CFAP44: variants seen among roughly 807,000 people sequenced by gnomAD.
The protein encoded by CFAP44 is cilia and flagella associated protein 44.
Under a neutral mutation model 216.2 loss-of-function variants are expected in CFAP44, and 134 were observed. The ratio of observed to expected loss-of-function variants is 0.62; its 90% CI spans 0.54 to 0.72. The LOEUF is 0.72. Among genes scored for constraint, CFAP44 ranks in the 30% least tolerant of loss-of-function variants. The pLI is 0.00. For missense variants in CFAP44, 2,035 were observed against 2,182.1 expected (o/e 0.93, Z 1.34); for synonymous variants, 700 against 727.6 (o/e 0.96, Z 0.61).
At chr3:113,427,871 A>G (rs780450938) in intron 2 of CFAP44, among the ~76,000 whole-genome samples, 49 of 152,096 alleles carry the variant, frequency 3.2e-4, no homozygotes, top group Non-Finnish European at 6.6e-4. Flanking sequence ...AAAATATACA[A>G]TGCCAAGCAG....
intron 22 of CFAP44, among the ~76,000 whole-genome samples, chr3:113,346,601 T>C (rs936204740): frequency 6.6e-6 from 1 of 151,474 alleles, no homozygotes; most frequent in Non-Finnish European, 1.5e-5. Flanking sequence ...GGATTGTAAA[T>C]GCACCAATCA....
intron 15 of CFAP44, among the ~76,000 whole-genome samples, chr3:113,393,816 C>G (rs1460183813): frequency 2.0e-5 from 3 of 151,946 alleles, no homozygotes; most frequent in Non-Finnish European, 4.4e-5. Context: ...CGCCTGATCT[C>G]CCCACTCTCC....
chr3:113,326,041 A>T (rs1041362123), intron 28 of CFAP44, among the ~76,000 whole-genome samples: 5 of 152,224 alleles, frequency 3.3e-5, no homozygotes, highest in African/African-American at 1.2e-4. Flanking sequence ...TATCTGACAC[A>T]AGACTAGTAT....
At position 113,427,227 on chromosome 3, in the gene CFAP44, A is replaced by G; in HGVS notation, c.213T>C (p.Ser71=). ...EDSDEERLEG[S]LSSFQYGDLQ... is the part of the protein sequence containing the mutation. ...AATCACCATACTGAAATGAACTCAA[A>G]CTTCCTTCCAAACGTTCCTCATCTG... is the stretch of plus-strand genomic sequence containing the variant. Residue 71 remains serine, a synonymous_variant, in exon 3 of 35, where the codon AGT becomes AGC. Transcript: ENST00000393845. 1 of 1,613,280 alleles carries G rather than the reference A, an allele frequency of 6.2e-7. No homozygotes were observed. Among genetic ancestry groups the G allele is most frequent in the Non-Finnish European group, 8.5e-7 (1 of 1,179,784 alleles).
At chr3:113,358,062 G>A (rs1246863362) in intron 22 of CFAP44, among the ~76,000 whole-genome samples, 1 of 152,000 alleles carries the variant, frequency 6.6e-6, no homozygotes, top group Non-Finnish European at 1.5e-5. Context: ...GACATCATAT[G>A]AGTTTTAAAA....
In CFAP44 at chr3:113,395,879, A is replaced by G. The variant is rs776351701; in HGVS notation, c.1780-19T>C. On this transcript the variant is annotated intron_variant, in intron 14 of 34. Coordinates refer to ENST00000393845, the MANE Select transcript of CFAP44 (RefSeq NM_001164496.2). Reference sequence around the variant, plus strand: ...CTTTACTCTAAGGAAAAAGAGACACACCGACGAAATATATATTACTATGAA... The same window carrying G: ...CTTTACTCTAAGGAAAAAGAGACACGCCGACGAAATATATATTACTATGAA... 4.5e-6 allele frequency: 7 copies of G among 1,571,536 alleles called. No individual in the cohort carries two copies. The Admixed American group carries it at 1.2e-4, about 27-fold the overall frequency.
At position 113,412,818 on chromosome 3, in the gene CFAP44, GTGT is replaced by G. The variant is rs1192340134; in HGVS notation, c.674-3499_674-3497del. ...TTCCACGTCTTTGCTATTGTAAATA[GTGT>G]TGTAATAAACATACGTGTGCATGTC... On this transcript the variant is annotated intron_variant, in intron 6 of 34. Coordinates refer to ENST00000393845, the MANE Select transcript of CFAP44 (RefSeq NM_001164496.2). Among the ~76,000 whole-genome samples, 3 of 152,122 alleles carry G rather than the reference GTGT, an allele frequency of 2.0e-5. No individual in the cohort carries two copies. The East Asian group carries it at 5.8e-4, about 29-fold the overall frequency.
At chr3:113,388,409 A>G (rs1576584811) in intron 15 of CFAP44, among the ~76,000 whole-genome samples, 1 of 152,352 alleles carries the variant, frequency 6.6e-6, no homozygotes, top group East Asian at 1.9e-4. Flanking sequence ...TGGATATACA[A>G]GAAATTTAAA....
In CFAP44 at chr3:113,344,496, G is replaced by T; in HGVS notation, c.3262+20C>A. The T allele has an allele frequency of 6.5e-7, 1 of 1,528,852 alleles. No individual in the cohort carries two copies. The allele number at this position is 1,528,852 out of a possible 1,614,324, so 94.7% of individuals were successfully genotyped here. On this transcript the variant is annotated intron_variant, in intron 23 of 34. Coordinates refer to ENST00000393845, the MANE Select transcript of CFAP44 (RefSeq NM_001164496.2). ...AGTCTTAGTAAATAAGAATTTAAAA[G>T]CCTTCTTGTCATAGGCTACCTGCAT...
Position 113,381,032 on chromosome 3 carries a change from TC to T in CFAP44, c.1918del (p.Glu640LysfsTer13). 6.3e-7 allele frequency: 1 copy of T among 1,584,234 alleles called. No individual in the cohort carries two copies. Among genetic ancestry groups the T allele is most frequent in the African/African-American group, 1.4e-5 (1 of 74,016 alleles). ...HPESTLLIIC[E>X]NGYILEAPLP... is the part of the protein sequence containing the mutation. ...TGGAGCTTCAAGAATATAGCCATTT[TC>T]ACAGATAATTAGTAAAGTACTTTCA... On this transcript the variant is annotated frameshift_variant, in exon 16 of 35. Coordinates refer to ENST00000393845, the MANE Select transcript of CFAP44 (RefSeq NM_001164496.2). LOFTEE classifies it high-confidence loss of function.
At chr3:113,417,754 A>G (rs1050665026) in intron 5 of CFAP44, among the ~76,000 whole-genome samples, 2 of 152,182 alleles carry the variant, frequency 1.3e-5, no homozygotes, top group South Asian at 2.1e-4. Flanking sequence ...ACAGTCTACA[A>G]TGTGTTAAGT....
chr3:113,403,809 T>A, intron 9 of CFAP44, 43 bp downstream of exon 9: 1 of 1,586,628 alleles, frequency 6.3e-7, no homozygotes, highest in South Asian at 1.2e-5. Flanking sequence ...GAGCTACAAG[T>A]CTTAAACGTG....
intron 32 of CFAP44, among the ~76,000 whole-genome samples, chr3:113,300,120 C>T (rs1413284071): frequency 6.6e-6 from 1 of 152,182 alleles, no homozygotes; most frequent in African/African-American, 2.4e-5. Flanking sequence ...TAAAGACAAA[C>T]TTTGCATGCT....
At chr3:113,395,184 C>T (rs1219701683) in intron 15 of CFAP44, among the ~76,000 whole-genome samples, 1 of 152,124 alleles carries the variant, frequency 6.6e-6, no homozygotes, top group East Asian at 1.9e-4. Context: ...TTTAGACAGT[C>T]AATCAATATT....
chr3:113,428,481 C>T (rs981350181), intron 2 of CFAP44, among the ~76,000 whole-genome samples: 5 of 152,200 alleles, frequency 3.3e-5, no homozygotes, highest in African/African-American at 1.2e-4. Context: ...CAAATCAACA[C>T]ACTTAGGCAA....
chr3:113,440,739 G>A (rs923854674), intron 1 of CFAP44, among the ~76,000 whole-genome samples: 2 of 152,126 alleles, frequency 1.3e-5, no homozygotes, highest in African/African-American at 4.8e-5. Context: ...TCAAATAAGA[G>A]CTCAGATTCC....
chr3:113,411,274 T>G (rs899201333), intron 6 of CFAP44, among the ~76,000 whole-genome samples: 1 of 152,198 alleles, frequency 6.6e-6, no homozygotes, highest in Non-Finnish European at 1.5e-5. Context: ...TTTTTATGGT[T>G]TTAGGTCTAA....
chr3:113,327,864 A>T, intron 26 of CFAP44, 45 bp from the exon 27 acceptor site: 1 of 1,505,186 alleles, frequency 6.6e-7, no homozygotes, highest in Non-Finnish European at 8.9e-7. Flanking sequence ...AGACTAGATA[A>T]ATGCATTTTT....
intron 24 of CFAP44, among the ~76,000 whole-genome samples, chr3:113,339,180 A>G (rs990983818): frequency 2.0e-5 from 3 of 152,130 alleles, no homozygotes; most frequent in Non-Finnish European, 4.4e-5. Context: ...CCTGTAAATC[A>G]TAATTTGGCC....
Sources: allele counts gnomAD v4.1 joint callset (sites outside exome capture counted in the v4.1 genomes callset), GRCh38; gene constraint gnomAD v4.1.1; transcripts MANE v1.5; gene names NCBI Gene and HGNC (gene_info 2026-07-23, HGNC 2026-07-21).